LATS2: variants seen among roughly 807,000 people sequenced by gnomAD.
LATS2 encodes the protein large tumor suppressor kinase 2, also known as serine/threonine-protein kinase LATS2.
A neutral mutation model predicts 76.0 loss-of-function variants in LATS2; 24 were observed. That is an observed-to-expected ratio of 0.32 (90% CI 0.23 to 0.44). The LOEUF (loss-of-function observed/expected upper bound fraction) is 0.44. Ranked by LOEUF, LATS2 falls within the 20% of genes least tolerant of loss-of-function variation. LATS2 has a pLI of 1.00. For missense variants in LATS2, 1,286 were observed against 1,481.2 expected (o/e 0.87, Z 2.16); for synonymous variants, 692 against 635.4 (o/e 1.09, Z -1.34).
rs1317445610 is a variant in LATS2 at position 20,988,998 on chromosome 13, G to A, written c.782C>T (p.Pro261Leu). The change falls in exon 4 of 8, where the codon CCT becomes CTT. Residue 261 changes from proline (P) to leucine (L), a missense_variant. This residue lies in a region of LATS2 where 710 missense variants were observed against 660.9 expected (regional missense o/e 1.07). Transcript: ENST00000382592. ...CACTCCGTAGCCCAGGGGTTCCCCA[G>A]GCACCAGCAGGTGCGGCCGCCCGTA... The part of the protein sequence containing the change: ...AHYGRPHLLV[P>L]GEPLGYGVQR... 3 of 1,546,216 alleles carry A rather than the reference G, an allele frequency of 1.9e-6. No individual in the cohort carries two copies. Among genetic ancestry groups the A allele is most frequent in the Non-Finnish European group, 2.6e-6 (3 of 1,152,156 alleles).
At chr13:21,013,315 C>T (rs562628373) in intron 2 of LATS2, among the ~76,000 whole-genome samples, 1 of 152,228 alleles carries the variant, frequency 6.6e-6, no homozygotes, top group Non-Finnish European at 1.5e-5. Context: ...TGGCTCAGTA[C>T]TTATCCTGGC....
rs138847345 is a variant in LATS2, at chr13:21,053,446, G to A, written c.-204-7216C>T. On this transcript the variant is annotated intron_variant, in intron 1 of 7. Transcript: ENST00000382592. ...AGAATCTGATAGCACCACGAGGGCA[G>A]GAGCATCCTGTTTGGTTTACCCCCA... Among the ~76,000 whole-genome samples the A allele has an allele frequency of 7.8e-3, 1,185 of 152,098 alleles. 10 individuals carry two copies. The highest frequency in any genetic ancestry group is 0.027 in the African/African-American group (1,135 of 41,478).
intron 1 of LATS2, among the ~76,000 whole-genome samples, chr13:21,057,805 T>TA (rs11314270): frequency 1.5e-4 from 23 of 151,440 alleles, no homozygotes; most frequent in African/African-American, 5.6e-4. Flanking sequence ...ATCTCAAAAA[T>TA]AAAAAAAAAA....
At chr13:21,041,376 TG>T (rs1244638914) in intron 2 of LATS2, among the ~76,000 whole-genome samples, 1 of 152,252 alleles carries the variant, frequency 6.6e-6, no homozygotes, top group African/African-American at 2.4e-5. Flanking sequence ...GACCACTGGC[TG>T]TCTTCTTTAT....
intron 1 of LATS2, among the ~76,000 whole-genome samples, chr13:21,056,677 T>C (rs185791088): frequency 2.1e-4 from 32 of 152,204 alleles, no homozygotes; most frequent in African/African-American, 7.7e-4. Flanking sequence ...AGCTAGGGAG[T>C]TAGAACACCC....
At chr13:21,037,825 CGGGTAGGGCCAGGGT>C (rs562997212) in intron 2 of LATS2, among the ~76,000 whole-genome samples, 1,788 of 151,990 alleles carry the variant, frequency 0.012, 18 homozygotes, top group Non-Finnish European at 0.018. Flanking sequence ...AGGACCAGGG[CGGGTAGGGCCAGGGT>C]GGGCCTGCCA....
At chr13:21,014,356 G>C (rs911607965) in intron 2 of LATS2, among the ~76,000 whole-genome samples, 4 of 152,066 alleles carry the variant, frequency 2.6e-5, no homozygotes, top group African/African-American at 9.7e-5. Context: ...AGACACATGA[G>C]CCAAAGACAG....
intron 7 of LATS2, among the ~76,000 whole-genome samples, chr13:20,976,046 C>A (rs964122508): frequency 6.6e-6 from 1 of 152,170 alleles, no homozygotes; most frequent in Non-Finnish European, 1.5e-5. Context: ...ACAGGAAAAA[C>A]TTCATAGGGA....
At chr13:20,990,234 C>T (rs1434914078) in intron 3 of LATS2, among the ~76,000 whole-genome samples, 1 of 152,176 alleles carries the variant, frequency 6.6e-6, no homozygotes, top group Non-Finnish European at 1.5e-5. Context: ...TGGGCCTGGC[C>T]TTCCCTTTGA....
At chr13:21,019,668 C>A (rs1253560470) in intron 2 of LATS2, among the ~76,000 whole-genome samples, 19 of 86,586 alleles carry the variant, frequency 2.2e-4, no homozygotes, top group African/African-American at 7.9e-4. Context: ...TTTAATCTCT[C>A]AAAAAAAAAA....
At chr13:21,024,122 G>C (rs797005222) in intron 2 of LATS2, among the ~76,000 whole-genome samples, 1 of 137,452 alleles carries the variant, frequency 7.3e-6, no homozygotes, top group South Asian at 2.3e-4. Context: ...AAAAGAAAAA[G>C]AAAAAACAGC....
rs578139213 is a variant in LATS2, at chr13:20,999,685, G to A, written c.343-8281C>T. ...GTAACCCAGGCTGGTCTCAAACTCCGGAGGCCAAGCCATCCTCCTGCCTCA... is the reference window on the plus strand; with the variant it reads ...GTAACCCAGGCTGGTCTCAAACTCCAGAGGCCAAGCCATCCTCCTGCCTCA... On this transcript the variant is annotated intron_variant, in intron 2 of 7. Coordinates refer to ENST00000382592, the MANE Select transcript of LATS2 (RefSeq NM_014572.3). 4.5e-4 allele frequency among the ~76,000 whole-genome samples: 69 copies of A among 152,024 alleles called. 1 individual carries two copies. Among genetic ancestry groups the A allele is most frequent in the African/African-American group, 1.4e-3 (60 of 41,472 alleles).
At chr13:21,007,110 T>C (rs1380366128) in intron 2 of LATS2, among the ~76,000 whole-genome samples, 1 of 152,134 alleles carries the variant, frequency 6.6e-6, no homozygotes, top group Non-Finnish European at 1.5e-5. Context: ...AAAACTGAAA[T>C]TCCCTGGCTA....
At chr13:21,016,078 C>T (rs1871786408) in intron 2 of LATS2, among the ~76,000 whole-genome samples, 2 of 151,742 alleles carry the variant, frequency 1.3e-5, no homozygotes, top group African/African-American at 4.9e-5. Context: ...CAACCTCCGC[C>T]TCCTGGGTTC....
chr13:21,046,645 C>T (rs1873085550), intron 1 of LATS2, among the ~76,000 whole-genome samples: 1 of 152,164 alleles, frequency 6.6e-6, no homozygotes, highest in African/African-American at 2.4e-5. Flanking sequence ...TGTCCTTCAT[C>T]CCCATGGCTT....
At chr13:21,031,632 T>C (rs1040230424) in intron 2 of LATS2, among the ~76,000 whole-genome samples, 2 of 152,020 alleles carry the variant, frequency 1.3e-5, no homozygotes, top group Non-Finnish European at 2.9e-5. Flanking sequence ...AGGGGGAGCA[T>C]GGGATCACTT....
At chr13:21,007,202 T>C (rs1871293403) in intron 2 of LATS2, among the ~76,000 whole-genome samples, 1 of 152,088 alleles carries the variant, frequency 6.6e-6, no homozygotes, top group South Asian at 2.1e-4. Flanking sequence ...TTTTAAGTTA[T>C]ATTTCCAAAG....
At chr13:20,983,011 A>C (rs189208187) in intron 5 of LATS2, among the ~76,000 whole-genome samples, 2 of 151,362 alleles carry the variant, frequency 1.3e-5, no homozygotes, top group East Asian at 4.0e-4. Context: ...AAAAAAAAAA[A>C]AGTAAACCTG....
At chr13:20,987,160 G>A (rs977106968) in intron 4 of LATS2, among the ~76,000 whole-genome samples, 6 of 151,980 alleles carry the variant, frequency 3.9e-5, no homozygotes, top group African/African-American at 1.5e-4. Flanking sequence ...GCGCCATTGC[G>A]CTCCAGCCTG....
Sources: allele counts gnomAD v4.1 joint callset (sites outside exome capture counted in the v4.1 genomes callset), GRCh38; gene constraint gnomAD v4.1.1; regional missense constraint gnomAD v4.1.1; transcripts MANE v1.5; gene names NCBI Gene and HGNC (gene_info 2026-07-23, HGNC 2026-07-21).